DGKB: variants seen among roughly 807,000 people sequenced by gnomAD.
DGKB encodes 90 kDa diacylglycerol kinase.
Under a neutral mutation model 114.3 loss-of-function variants are expected in DGKB, and 67 were observed. The observed-to-expected ratio is 0.59, with a 90% CI of 0.48 to 0.72. The LOEUF is 0.72. Among genes scored for constraint, DGKB ranks in the 30% least tolerant of loss-of-function variants. The probability of loss-of-function intolerance (pLI) is 0.00; values close to 1 mark genes in which losing one functional copy is unlikely to be tolerated. For missense variants in DGKB, 907 were observed against 975.2 expected (o/e 0.93, Z 0.93); for synonymous variants, 398 against 323.1 (o/e 1.23, Z -2.49).
intron 13 of DGKB, among the ~76,000 whole-genome samples, chr7:14,634,384 C>G (rs1395150305): frequency 6.6e-6 from 1 of 150,522 alleles, no homozygotes; most frequent in Non-Finnish European, 1.5e-5. Flanking sequence ...CTATTTTTAG[C>G]CTTGCCTTCA....
intron 20 of DGKB, among the ~76,000 whole-genome samples, chr7:14,556,287 C>T (rs952026980): frequency 6.6e-6 from 1 of 151,846 alleles, no homozygotes. Context: ...AACATAATAA[C>T]TGGTAATATT....
chr7:14,722,337 A>G (rs1047350478), intron 5 of DGKB, among the ~76,000 whole-genome samples: 4 of 152,160 alleles, frequency 2.6e-5, no homozygotes, highest in Admixed American at 2.6e-4. Flanking sequence ...CATAGAGCTG[A>G]AATCATACAG....
chr7:14,314,952 G>A (rs1235494905), intron 23 of DGKB, among the ~76,000 whole-genome samples: 1 of 151,690 alleles, frequency 6.6e-6, no homozygotes, highest in African/African-American at 2.4e-5. Flanking sequence ...AACCCTACAA[G>A]CCAGAAGAGA....
Position 14,852,024 on chromosome 7 carries a change from C to T in DGKB, c.-187-10574G>A, listed in dbSNP as rs557820701. On this transcript the variant is annotated intron_variant, in intron 1 of 25. Coordinates refer to ENST00000402815, the MANE Select transcript of DGKB (RefSeq NM_001350709.2). The stretch of plus-strand genomic sequence containing the variant: ...TGCCCATTCTGAATTCCTGGCCTAC[C>T]AAATCTATAAACACAGTAAAACGAT... 4.6e-5 allele frequency among the ~76,000 whole-genome samples: 7 copies of T among 152,230 alleles called. No homozygotes were observed. The South Asian group carries it at 6.2e-4, about 14-fold the overall frequency.
chr7:14,690,020 G>C lies in DGKB; in HGVS notation c.711+4055C>G, dbSNP rs547311352. On this transcript the variant is annotated intron_variant, in intron 9 of 25. Coordinates refer to ENST00000402815, the MANE Select transcript of DGKB (RefSeq NM_001350709.2). Reference sequence around the variant, plus strand: ...GTATAAACCATCCAGAAACCATGCAGGCTAGATGTGGGTACAACAATCCAC... The same window carrying C: ...GTATAAACCATCCAGAAACCATGCACGCTAGATGTGGGTACAACAATCCAC... 8.5e-5 allele frequency among the ~76,000 whole-genome samples: 13 copies of C among 152,232 alleles called. 1 individual carries two copies. The South Asian group carries it at 2.7e-3, about 32-fold the overall frequency.
intron 21 of DGKB, among the ~76,000 whole-genome samples, chr7:14,387,853 C>G (rs1223619788): frequency 6.7e-6 from 1 of 150,336 alleles, no homozygotes; most frequent in Non-Finnish European, 1.5e-5. Flanking sequence ...TAGGTTAGTA[C>G]AGGTATCATC....
intron 13 of DGKB, among the ~76,000 whole-genome samples, chr7:14,642,064 T>C (rs1811906036): frequency 1.3e-5 from 2 of 152,148 alleles, no homozygotes; most frequent in Admixed American, 6.5e-5. Flanking sequence ...TTCTCTACAG[T>C]AGTAAAAGGA....
chr7:14,257,635 C>T (rs1796137986), intron 23 of DGKB, among the ~76,000 whole-genome samples: 2 of 152,236 alleles, frequency 1.3e-5, no homozygotes, highest in South Asian at 2.1e-4. Context: ...AGTTCTCTTT[C>T]CTGCACCCCT....
chr7:14,619,181 T>C (rs1277459849), intron 15 of DGKB, among the ~76,000 whole-genome samples: 1 of 151,254 alleles, frequency 6.6e-6, no homozygotes, highest in Non-Finnish European at 1.5e-5. Context: ...ACATATGGTA[T>C]TTTTTTAACT....
chr7:14,294,786 T>C (rs1052860961), intron 23 of DGKB, among the ~76,000 whole-genome samples: 1 of 152,188 alleles, frequency 6.6e-6, no homozygotes, highest in Admixed American at 6.6e-5. Flanking sequence ...GATATAGTTT[T>C]GAATGAGACT....
intron 1 of DGKB, among the ~76,000 whole-genome samples, chr7:14,880,037 T>C (rs982918804): frequency 6.6e-5 from 10 of 152,132 alleles, no homozygotes; most frequent in Admixed American, 3.3e-4. Flanking sequence ...AATTCATAAC[T>C]GGGGGAAATA....
chr7:14,236,382 A>G (rs541788367), intron 23 of DGKB, among the ~76,000 whole-genome samples: 156 of 150,994 alleles, frequency 1.0e-3, no homozygotes, highest in African/African-American at 3.5e-3. Flanking sequence ...AAAAAGGAAA[A>G]TTAATAGCAA....
At chr7:14,695,564 A>G (rs1326568181) in intron 8 of DGKB, among the ~76,000 whole-genome samples, 1 of 128,808 alleles carries the variant, frequency 7.8e-6, no homozygotes, top group Non-Finnish European at 1.5e-5. Context: ...CTGTGGCGCA[A>G]TCTGGGCTCA....
chr7:14,567,483 T>A (rs1445159074), intron 20 of DGKB, among the ~76,000 whole-genome samples: 2 of 70,770 alleles, frequency 2.8e-5, no homozygotes, highest in African/African-American at 1.1e-4. Flanking sequence ...ATTATATATA[T>A]TTATATATTA....
chr7:14,281,011 T>C (rs1799860818), intron 23 of DGKB, among the ~76,000 whole-genome samples: 1 of 150,478 alleles, frequency 6.6e-6, no homozygotes, highest in African/African-American at 2.4e-5. Context: ...CACATAACAC[T>C]ATTAACTTTA....
intron 2 of DGKB, among the ~76,000 whole-genome samples, chr7:14,828,287 C>G (rs571161803): frequency 2.0e-5 from 3 of 152,108 alleles, no homozygotes; most frequent in African/African-American, 7.2e-5. Flanking sequence ...TCCAAGATGT[C>G]TGAGCATCCC....
At chr7:14,363,673 T>C (rs551563779) in intron 21 of DGKB, among the ~76,000 whole-genome samples, 1 of 152,204 alleles carries the variant, frequency 6.6e-6, no homozygotes, top group Admixed American at 6.6e-5. Context: ...GCAGCTCTTA[T>C]ATTAAAAAAA....
chr7:14,199,992 A>G (rs568978570), intron 23 of DGKB, among the ~76,000 whole-genome samples: 1 of 152,168 alleles, frequency 6.6e-6, no homozygotes, highest in South Asian at 2.1e-4. Context: ...CTTTACTACA[A>G]TAATTGACAA....
At chr7:14,150,780 T>C (rs1174705429) in intron 25 of DGKB, among the ~76,000 whole-genome samples, 1 of 152,138 alleles carries the variant, frequency 6.6e-6, no homozygotes, top group African/African-American at 2.4e-5. Flanking sequence ...TAGAGTATAC[T>C]GTACCTTATG....
Sources: gnomAD v4.1 joint callset for allele counts (sites outside exome capture counted in the v4.1 genomes callset) on GRCh38, gnomAD v4.1.1 for gene constraint, MANE v1.5 for transcripts, NCBI Gene and HGNC (gene_info 2026-07-23, HGNC 2026-07-21) for gene names.